The following NOMO3 variants were observed in gnomAD, a reference collection of about 807,000 sequenced individuals.
NOMO3 encodes BOS complex subunit NOMO3.
Under a neutral mutation model 69.9 loss-of-function variants are expected in NOMO3, and 15 were observed. The ratio of observed to expected loss-of-function variants is 0.21; its 90% CI spans 0.14 to 0.33. The LOEUF (loss-of-function observed/expected upper bound fraction) is 0.33. NOMO3 is among the 10% of genes least tolerant of loss of function. The pLI is 1.00. For missense variants in NOMO3, 218 were observed against 761.0 expected (o/e 0.29, Z 8.39); for synonymous variants, 89 against 301.9 (o/e 0.29, Z 7.31).
chr16:16,238,363 G>T (rs1173358930), intron 2 of NOMO3, among the ~76,000 whole-genome samples: 2 of 135,958 alleles, frequency 1.5e-5, no homozygotes, highest in Non-Finnish European at 3.1e-5. Context: ...CTCCCAAGTA[G>T]CTGGGATTAC....
chr16:16,243,707 T>C (rs1219209597), intron 4 of NOMO3, among the ~76,000 whole-genome samples: 4 of 138,764 alleles, frequency 2.9e-5, no homozygotes, highest in Non-Finnish European at 4.5e-5. Flanking sequence ...GTATTTTCAG[T>C]AGAGATGGGC....
intron 15 of NOMO3, among the ~76,000 whole-genome samples, chr16:16,266,359 G>C (rs1396090693): frequency 7.8e-6 from 1 of 128,640 alleles, no homozygotes; most frequent in Non-Finnish European, 1.6e-5. Flanking sequence ...GCAGTGGAGT[G>C]GATTTCCAGC....
intron 14 of NOMO3, 68 bp downstream of exon 14, chr16:16,263,712 C>T: frequency 2.2e-6 from 1 of 452,130 alleles, no homozygotes. Context: ...TTCTAAAACT[C>T]AGGTCTCAAA....
intron 2 of NOMO3, among the ~76,000 whole-genome samples, chr16:16,237,807 C>G (rs1455150702): frequency 2.1e-5 from 3 of 144,606 alleles, no homozygotes; most frequent in Non-Finnish European, 4.4e-5. Flanking sequence ...GCCTCAGCCT[C>G]CCAAAGTGCT....
At chr16:16,243,973 C>G (rs2049395240) in intron 4 of NOMO3, among the ~76,000 whole-genome samples, 1 of 144,368 alleles carries the variant, frequency 6.9e-6, no homozygotes, top group South Asian at 2.2e-4. Context: ...CTGACACTTA[C>G]GTAGGAGGAT....
intron 15 of NOMO3, among the ~76,000 whole-genome samples, chr16:16,265,670 ATTTTTTTTTT>A (rs59243746): frequency 2.0e-3 from 34 of 16,642 alleles, no homozygotes; most frequent in South Asian, 3.0e-3. Flanking sequence ...ATATATATAT[ATTTTTTTTTT>A]TTTTTTTTTT....
intron 9 of NOMO3, among the ~76,000 whole-genome samples, chr16:16,254,446 T>C (rs1358099931): frequency 1.4e-5 from 2 of 141,698 alleles, no homozygotes; most frequent in Non-Finnish European, 3.0e-5. Context: ...CTACCTGTCA[T>C]GTGAGACCAT....
rs563840982 is a variant in NOMO3 at position 16,244,068 on chromosome 16, T to C, written c.402+807T>C. Among the ~76,000 whole-genome samples, 270 of 143,532 alleles carry C rather than the reference T, an allele frequency of 1.9e-3. 17 individuals carry two copies. The highest frequency in any genetic ancestry group is 2.6e-3 in the Admixed American group (38 of 14,766). The allele number at this position is 143,532 out of a possible 152,430, so 94.2% of individuals were successfully genotyped here. A position where few individuals can be genotyped will look rare whatever the true frequency, so the allele number is the denominator to read the frequency against. The stretch of plus-strand genomic sequence containing the variant: ...CTAACGGGTGTGTGCCCAGCTCCCG[T>C]GATTCAGATTCTCAGGGGAGAGTCA... On this transcript the variant is annotated intron_variant, in intron 4 of 30. Transcript: ENST00000399336.
At chr16:16,267,392 T>A in intron 16 of NOMO3, 2 of 470,276 alleles carry the variant, frequency 4.3e-6, no homozygotes, top group Admixed American at 7.9e-5. Context: ...TTTCCCACTT[T>A]GCTTAAAATC....
intron 6 of NOMO3, among the ~76,000 whole-genome samples, chr16:16,249,471 A>C (rs1312355697): frequency 7.3e-6 from 1 of 136,434 alleles, no homozygotes; most frequent in African/African-American, 3.2e-5. Flanking sequence ...AATCCCAGCT[A>C]CTCGGGAGGC....
chr16:16,255,755 G>A lies in NOMO3; in HGVS notation c.999G>A (p.Gly333=), dbSNP rs2049505835. Residue 333 remains glycine (G), a synonymous_variant, in exon 10 of 31, where the codon GGG becomes GGA. Coordinates refer to ENST00000399336, the MANE Select transcript of NOMO3 (RefSeq NM_001004067.4). ...VFHVMGFSVT[G]RVLNGPEGDG... ...ACGTCATGGGATTCTCCGTCACCGG[G>A]AGGGTCTTGAACGGACCCGAAGGAG... 1 of 1,585,026 alleles carries A rather than the reference G, an allele frequency of 6.3e-7. No homozygotes were observed. The highest frequency in any genetic ancestry group is 8.5e-7 in the Non-Finnish European group (1 of 1,175,126).
At chr16:16,261,363 T>A in intron 11 of NOMO3, 139 bp from the exon 12 acceptor site, 1 of 1,407,672 alleles carries the variant, frequency 7.1e-7, no homozygotes, top group East Asian at 2.7e-5. Flanking sequence ...ATCATCTGGA[T>A]TGCATTCTGT....
At chr16:16,249,601 T>A (rs1454247424) in intron 6 of NOMO3, among the ~76,000 whole-genome samples, 8 of 138,968 alleles carry the variant, frequency 5.8e-5, no homozygotes, top group South Asian at 4.6e-4. Flanking sequence ...AAAAAAAAAA[T>A]TTATTCGAAA....
intron 2 of NOMO3, among the ~76,000 whole-genome samples, chr16:16,237,214 C>G (rs368981794): frequency 6.9e-6 from 1 of 144,766 alleles, no homozygotes; most frequent in South Asian, 2.2e-4. Context: ...TGTCTAGAGA[C>G]GTTTTTGTTG....
chr16:16,270,231 G>A (rs1487170089), intron 17 of NOMO3, 47 bp downstream of exon 17: 9 of 1,573,656 alleles, frequency 5.7e-6, no homozygotes, highest in Admixed American at 1.8e-5. Context: ...TACATTCCGT[G>A]GAGGATTCTT....
chr16:16,235,700 G>A (rs557777520), intron 1 of NOMO3: 1 of 328,992 alleles, frequency 3.0e-6, no homozygotes, highest in Admixed American at 3.6e-5. Flanking sequence ...TTCTAGTAGG[G>A]ATGAGGTGTG....
chr16:16,266,412 TC>T (rs1389776302), intron 15 of NOMO3, among the ~76,000 whole-genome samples: 12 of 116,580 alleles, frequency 1.0e-4, no homozygotes, highest in Non-Finnish European at 1.8e-4. Context: ...TTTTGACACT[TC>T]CTTAACCCCT....
chr16:16,258,887 A>G (rs1193033603), intron 11 of NOMO3, among the ~76,000 whole-genome samples: 1 of 142,422 alleles, frequency 7.0e-6, no homozygotes, highest in East Asian at 2.3e-4. Context: ...AAGAGTTATC[A>G]GTTGGCAAGG....
intron 15 of NOMO3, 186 bp downstream of exon 15, chr16:16,265,365 C>T (rs1265253077): frequency 4.7e-6 from 3 of 638,784 alleles, no homozygotes; most frequent in Non-Finnish European, 7.9e-6. Context: ...GGAAGGACCC[C>T]TGTATTTAGG....
Sources: allele counts gnomAD v4.1 joint callset (sites outside exome capture counted in the v4.1 genomes callset), GRCh38; gene constraint gnomAD v4.1.1; transcripts MANE v1.5; gene names NCBI Gene and HGNC (gene_info 2026-07-23, HGNC 2026-07-21).